Variants in OGFOD2 observed in about 807,000 individuals in gnomAD.
OGFOD2 encodes the protein 2-oxoglutarate and iron-dependent oxygenase domain-containing protein 2.
Under a neutral mutation model 31.1 loss-of-function variants are expected in OGFOD2, and 34 were observed. The ratio of observed to expected loss-of-function variants is 1.09; its 90% confidence interval spans 0.83 to 1.45. OGFOD2 has a LOEUF of 1.45. OGFOD2 is among the 40% of genes most tolerant of loss of function. The probability of loss-of-function intolerance (pLI) is 0.00; values close to 1 mark genes in which losing one functional copy is unlikely to be tolerated. For missense variants in OGFOD2, 537 were observed against 433.9 expected (o/e 1.24, Z -2.11); for synonymous variants, 240 against 192.3 (o/e 1.25, Z -2.05).
intron 4 of OGFOD2, 154 bp downstream of exon 4, chr12:122,977,124 C>G (rs764331630): frequency 3.0e-5 from 21 of 710,240 alleles, no homozygotes; most frequent in South Asian, 2.7e-4. Context: ...CTGCCAGGAG[C>G]AGGACATCCG....
chr12:122,978,729 C>T (rs1463820985), intron 5 of OGFOD2, 24 bp from the exon 6 acceptor site: 4 of 1,598,694 alleles, frequency 2.5e-6, no homozygotes, highest in Admixed American at 3.4e-5. Flanking sequence ...AGTTTCCTTG[C>T]TGACCCCAGG....
chr12:122,979,214 C>T (rs763708895), exon 7 of OGFOD2: 2 of 1,612,458 alleles, frequency 1.2e-6, no homozygotes, highest in East Asian at 2.2e-5. Context: ...TCGTCTGGCT[C>T]CGAGCCTCTG....
exon 3 of OGFOD2, chr12:122,976,658 A>G (rs1248644019): frequency 6.2e-7 from 1 of 1,600,866 alleles, no homozygotes; most frequent in East Asian, 2.2e-5. Flanking sequence ...CCCCAGCTTG[A>G]GCAGGAGGTG....
At chr12:122,975,135 C>T (rs2037370299), upstream of OGFOD2, 4 of 506,388 alleles carry the variant, frequency 7.9e-6, no homozygotes, top group South Asian at 2.9e-5. Context: ...CGTCTTCGTC[C>T]TTTTCCGCCC....
At chr12:122,975,510 C>T (rs1370421034) in intron 1 of OGFOD2, 127 bp downstream of exon 1, 5 of 592,790 alleles carry the variant, frequency 8.4e-6, no homozygotes, top group Admixed American at 2.9e-5. Context: ...AGAATGACGG[C>T]CTCTCTCTGC....
chr12:122,977,933 C>A, intron 4 of OGFOD2: 1 of 158,464 alleles, frequency 6.3e-6, no homozygotes. Flanking sequence ...GTGCGTCCGC[C>A]AAGAAATGTT....
chr12:122,975,098 C>T (rs1000288082), upstream of OGFOD2: 5 of 499,308 alleles, frequency 1.0e-5, no homozygotes, highest in African/African-American at 9.7e-5. Flanking sequence ...GAGCATCTTT[C>T]TCCGCAGACC....
intron 2 of OGFOD2, 152 bp from the exon 3 acceptor site, chr12:122,976,502 T>G: frequency 7.1e-7 from 1 of 1,410,714 alleles, no homozygotes; most frequent in Non-Finnish European, 1.0e-6. Flanking sequence ...AGTCTGGAAC[T>G]TGCAGTTGAC....
intron 1 of OGFOD2, 155 bp downstream of exon 1, chr12:122,975,538 A>T: frequency 1.7e-6 from 1 of 595,294 alleles, no homozygotes; most frequent in Non-Finnish European, 3.0e-6. Flanking sequence ...TTCTCACCGT[A>T]AAGGGGTAAT....
chr12:122,978,299 G>A (rs1166832556), intron 4 of OGFOD2, 143 bp from the exon 5 acceptor site: 2 of 1,030,784 alleles, frequency 1.9e-6, no homozygotes, highest in Admixed American at 2.6e-5. Context: ...TGCTCCTCAT[G>A]TTACTTCCTT....
At position 122,975,758 on chromosome 12, in the gene OGFOD2, G is replaced by T. The variant is rs2037401699; in HGVS notation, c.133-53G>T. The T allele has an allele frequency of 1.5e-5, 10 of 686,412 alleles. No homozygotes were observed. In the South Asian group the frequency reaches 1.5e-4, roughly 10 times the overall value. The allele number at this position is 686,412 out of a possible 1,614,324, so 42.5% of individuals were successfully genotyped here. A position where few individuals can be genotyped will look rare whatever the true frequency, so the allele number is the denominator to read the frequency against. The stretch of plus-strand genomic sequence containing the variant: ...CAGGGGAAACTGAGGCTTAGAGAGT[G>T]AAGGGATTTCCTCAGGTCATACAGT... On this transcript the variant is annotated intron_variant, in intron 1 of 6. Coordinates refer to ENST00000228922, the Ensembl canonical transcript of OGFOD2.
At chr12:122,979,127 G>A (rs2037534818) in exon 7 of OGFOD2, 3 of 1,604,566 alleles carry the variant, frequency 1.9e-6, no homozygotes, top group Non-Finnish European at 2.6e-6. Context: ...AGCACGTGGT[G>A]GGCCAGGGTG....
In OGFOD2 at chr12:122,975,906, G is replaced by A. The variant is rs1192394355; in HGVS notation, c.189+39G>A. The A allele has an allele frequency of 7.2e-6, 5 of 693,776 alleles. No individual in the cohort carries two copies. In the East Asian group the frequency reaches 1.4e-4, roughly 19 times the overall value. 43.0% of individuals were successfully genotyped at this position (693,776 alleles called of 1,614,324 possible). A position where few individuals can be genotyped will look rare whatever the true frequency, so the allele number is the denominator to read the frequency against. On this transcript the variant is annotated intron_variant, in intron 2 of 6. Transcript: ENST00000228922. ...GCCCCTGCACAGCTCCTCCTCGTTA[G>A]ATTTGTGTCCGCAGCTTGAGGACAC...
chr12:122,977,139 C>G, intron 4 of OGFOD2, 169 bp downstream of exon 4: 1 of 689,510 alleles, frequency 1.5e-6, no homozygotes, highest in Non-Finnish European at 2.6e-6. Context: ...CATCCGCATT[C>G]ATTCATTCAA....
exon 7 of OGFOD2, chr12:122,979,408 G>C: frequency 6.6e-7 from 1 of 1,522,064 alleles, no homozygotes; most frequent in Non-Finnish European, 8.8e-7. Flanking sequence ...TTGGTCTGGG[G>C]GCAGAAATAA....
chr12:122,976,870 G>C lies in OGFOD2; in HGVS notation c.304-1G>C, dbSNP rs1173540408. On this transcript the variant is annotated splice_acceptor_variant, in intron 3 of 6. Coordinates refer to ENST00000228922, the Ensembl canonical transcript of OGFOD2. LOFTEE classifies it high-confidence loss of function. Reference sequence around the variant, plus strand: ...CCACAGCTGGTGTGTTTTGCTCCCAGGATGCAGCTCTGGCCCCCGAGTTCC... The same window carrying C: ...CCACAGCTGGTGTGTTTTGCTCCCACGATGCAGCTCTGGCCCCCGAGTTCC... 6.2e-7 allele frequency: 1 copy of C among 1,602,130 alleles called. No individual in the cohort carries two copies. The highest frequency in any genetic ancestry group is 2.2e-5 in the East Asian group (1 of 44,634).
intron 1 of OGFOD2, 115 bp from the exon 2 acceptor site, chr12:122,975,696 G>A: frequency 1.5e-6 from 1 of 662,074 alleles, no homozygotes; most frequent in Non-Finnish European, 2.8e-6. Flanking sequence ...TTCTCTCCAT[G>A]ATCCTTTGAG....
chr12:122,979,336 C>G (rs777852422), exon 7 of OGFOD2: 2 of 1,604,182 alleles, frequency 1.2e-6, no homozygotes, highest in East Asian at 2.2e-5. Context: ...GATGTATGTG[C>G]GCTCACCTGA....
At chr12:122,975,142 G>T (rs2037370541), upstream of OGFOD2, 2 of 499,010 alleles carry the variant, frequency 4.0e-6, no homozygotes, top group African/African-American at 1.9e-5. Flanking sequence ...GTCCTTTTCC[G>T]CCCTTGGGAA....
Sources: allele counts gnomAD v4.1 joint callset, GRCh38; gene constraint gnomAD v4.1.1; transcripts MANE v1.5; gene names NCBI Gene and HGNC (gene_info 2026-07-23, HGNC 2026-07-21).